SLC6A4: variants seen among roughly 807,000 people sequenced by gnomAD.
The protein encoded by SLC6A4 is sodium-dependent serotonin transporter.
In SLC6A4, 22 loss-of-function variants were observed where a neutral mutation model predicts 73.4. The ratio of observed to expected loss-of-function variants is 0.30; its 90% CI spans 0.21 to 0.43. The LOEUF (loss-of-function observed/expected upper bound fraction) is 0.43, where lower values mean the gene tolerates loss of function less well. SLC6A4 is among the 20% of genes least tolerant of loss of function. SLC6A4 has a pLI of 1.00. For synonymous variants in SLC6A4, 270 were observed against 315.5 expected (o/e 0.86, Z 1.53); for missense variants, 593 against 808.5 (o/e 0.73, Z 3.23).
chr17:30,229,179 T>A (rs1454285094), intron 1 of SLC6A4, among the ~76,000 whole-genome samples: 1 of 152,210 alleles, frequency 6.6e-6, no homozygotes, highest in African/African-American at 2.4e-5. Context: ...GAGACTGACA[T>A]GCCCAGGATT....
chr17:30,210,683 T>C (rs372768512), intron 10 of SLC6A4, 37 bp from the exon 11 acceptor site: 4 of 1,593,656 alleles, frequency 2.5e-6, no homozygotes, highest in Non-Finnish European at 3.4e-6. Context: ...GTGGAGGCTT[T>C]GGGACAAGGC....
At chr17:30,226,722 A>G (rs1329343379) in intron 1 of SLC6A4, among the ~76,000 whole-genome samples, 1 of 151,848 alleles carries the variant, frequency 6.6e-6, no homozygotes, top group African/African-American at 2.4e-5. Context: ...TAAAAATAAA[A>G]ATACAAAAAA....
At chr17:30,226,797 G>T (rs191919771) in intron 1 of SLC6A4, among the ~76,000 whole-genome samples, 267 of 151,460 alleles carry the variant, frequency 1.8e-3, no homozygotes, top group Non-Finnish European at 3.2e-3. Context: ...CATGAGAATC[G>T]CCTGAACCTG....
intron 1 of SLC6A4, among the ~76,000 whole-genome samples, chr17:30,231,603 A>C (rs184773570): frequency 1.6e-4 from 24 of 152,242 alleles, no homozygotes; most frequent in African/African-American, 5.8e-4. Flanking sequence ...AATTAGATAT[A>C]TGCATAATTA....
In SLC6A4 at chr17:30,203,377, C is replaced by T. The variant is rs56162408; in HGVS notation, c.1651-38G>A. 252 of 1,557,574 alleles carry T rather than the reference C, an allele frequency of 1.6e-4. No individual in the cohort carries two copies. In the African/African-American group the frequency reaches 3.1e-3, roughly 19 times the overall value. On this transcript the variant is annotated intron_variant, in intron 13 of 14. Transcript: ENST00000650711. The stretch of plus-strand genomic sequence containing the variant: ...TTCCAAGAAACATTAAAAACCTTAA[C>T]AATATCCACTCAGATAGAGATGTTT...
intron 1 of SLC6A4, among the ~76,000 whole-genome samples, chr17:30,223,472 C>T (rs1906832708): frequency 6.6e-6 from 1 of 152,138 alleles, no homozygotes; most frequent in Non-Finnish European, 1.5e-5. Flanking sequence ...AATCAGGACA[C>T]AAAATAGTAG....
intron 13 of SLC6A4, chr17:30,206,585 C>T (rs987114000): frequency 2.0e-5 from 3 of 152,078 alleles, no homozygotes; most frequent in African/African-American, 7.3e-5. Flanking sequence ...GTACTAGTAC[C>T]CCATCCAGGG....
rs114814153 is a variant in SLC6A4, at chr17:30,221,947, C to T, written c.12G>A (p.Thr4=). 1.5e-4 allele frequency: 239 copies of T among 1,614,090 alleles called. No homozygotes were observed. In the African/African-American group the frequency reaches 1.5e-3, roughly 10 times the overall value. MET[T]PLNSQKQLSA... ...ATAGCTGCTTCTGAGAATTCAAGGGCGTCGTCTCCATCCTGCTGGTTAGTA... is the reference window on the plus strand; with the variant it reads ...ATAGCTGCTTCTGAGAATTCAAGGGTGTCGTCTCCATCCTGCTGGTTAGTA... Residue 4 remains threonine, a synonymous_variant, in exon 3 of 15, where the codon ACG becomes ACA. Transcript: ENST00000650711.
At chr17:30,226,373 T>C (rs1488174317) in intron 1 of SLC6A4, among the ~76,000 whole-genome samples, 3 of 152,194 alleles carry the variant, frequency 2.0e-5, no homozygotes, top group Admixed American at 2.0e-4. Context: ...AGCAAAGATG[T>C]GCGTAGGCCC....
chr17:30,220,236 T>C (rs901930226), intron 3 of SLC6A4, among the ~76,000 whole-genome samples: 3 of 152,172 alleles, frequency 2.0e-5, no homozygotes, highest in African/African-American at 7.2e-5. Context: ...AACCTCTTTG[T>C]AGCTGCCCTC....
At chr17:30,216,654 G>GA (rs1172475214) in intron 6 of SLC6A4, among the ~76,000 whole-genome samples, 1 of 151,040 alleles carries the variant, frequency 6.6e-6, no homozygotes, top group African/African-American at 2.4e-5. Flanking sequence ...CCCATTTCTA[G>GA]AAAATATTCT....
rs780432538 is a variant in SLC6A4, at chr17:30,203,234, A to G, written c.1756T>C (p.Phe586Leu). 2.5e-6 allele frequency: 4 copies of G among 1,613,944 alleles called. No homozygotes were observed. In the South Asian group the frequency reaches 3.3e-5, roughly 13 times the overall value. ...ILGYCIGTSS[F>L]ICIPTYIAYR... ...GCTATATATGTGGGGATGCAAATGA[A>G]AGATGAGGTTCCTATGCAGTAACCC... Residue 586 changes from phenylalanine to leucine, a missense_variant, in exon 14 of 15, where the codon TTC becomes CTC. Phe to Leu is a conservative substitution (Grantham distance 22). Transcript: ENST00000650711.
intron 2 of SLC6A4, among the ~76,000 whole-genome samples, chr17:30,222,345 A>T (rs748810992): frequency 2.6e-5 from 4 of 152,248 alleles, no homozygotes; most frequent in Non-Finnish European, 5.9e-5. Flanking sequence ...CAAGGTTTGC[A>T]CAGGCTGGAC....
chr17:30,220,895 G>C (rs761470700), intron 3 of SLC6A4, among the ~76,000 whole-genome samples: 1 of 152,054 alleles, frequency 6.6e-6, no homozygotes, highest in Non-Finnish European at 1.5e-5. Context: ...TCAGGTTTGG[G>C]AGGGCTTCAC....
At chr17:30,213,808 A>G (rs1906463671) in intron 8 of SLC6A4, among the ~76,000 whole-genome samples, 1 of 152,038 alleles carries the variant, frequency 6.6e-6, no homozygotes, top group Non-Finnish European at 1.5e-5. Flanking sequence ...GTGCAGTGGC[A>G]TGAACACAGC....
At chr17:30,209,976 G>A (rs911287299) in intron 11 of SLC6A4, among the ~76,000 whole-genome samples, 1 of 152,020 alleles carries the variant, frequency 6.6e-6, no homozygotes, top group African/African-American at 2.4e-5. Flanking sequence ...GACTCACTGG[G>A]GTTCCACTCA....
chr17:30,207,766 A>C lies in SLC6A4; in HGVS notation c.1616T>G (p.Ile539Ser), dbSNP rs1335591070. 1 of 1,613,920 alleles carries C rather than the reference A, an allele frequency of 6.2e-7. No homozygotes were observed. The highest frequency in any genetic ancestry group is 8.5e-7 in the Non-Finnish European group (1 of 1,179,924). ...LGFSPGWFWRICWVAISPLFL... is the reference protein window; with the variant it reads ...LGFSPGWFWRSCWVAISPLFL... ...CAGAGGGCTGATGGCCACCCAGCAG[A>C]TCCTCCAGAACCACCCCGGGCTGAA... The change falls in exon 13 of 15, where the codon ATC (isoleucine) becomes AGC (serine). Residue 539 changes from isoleucine (I) to serine (S), a missense_variant. Physicochemically the swap from Ile to Ser is moderately radical, Grantham distance 142. Transcript: ENST00000650711.
At chr17:30,231,464 C>G (rs1335152956) in intron 1 of SLC6A4, among the ~76,000 whole-genome samples, 1 of 150,894 alleles carries the variant, frequency 6.6e-6, no homozygotes, top group Non-Finnish European at 1.5e-5. Context: ...TCTGTATGTA[C>G]ATATGTGTAT....
intron 8 of SLC6A4, among the ~76,000 whole-genome samples, chr17:30,214,914 G>T (rs7216572): frequency 0.81 from 121,986 of 151,394 alleles, 49,191 homozygotes; most frequent in East Asian, 0.9. Context: ...ATTACAGGTG[G>T]GAGCCACCGC....
Sources: allele counts gnomAD v4.1 joint callset (sites outside exome capture counted in the v4.1 genomes callset), GRCh38; gene constraint gnomAD v4.1.1; transcripts MANE v1.5; gene names NCBI Gene and HGNC (gene_info 2026-07-23, HGNC 2026-07-21).